OSBPL11: variants seen among roughly 807,000 people sequenced by gnomAD.
OSBPL11 encodes oxysterol binding protein like 11, also known as oxysterol-binding protein-related protein 11.
In OSBPL11, 33 loss-of-function variants were observed where a neutral mutation model predicts 84.4. The ratio of observed to expected loss-of-function variants is 0.39; its 90% CI spans 0.30 to 0.52. The LOEUF (loss-of-function observed/expected upper bound fraction) is 0.52. Among genes scored for constraint, OSBPL11 ranks in the 20% least tolerant of loss-of-function variants. OSBPL11 has a pLI of 0.72. For synonymous variants in OSBPL11, 276 were observed against 310.2 expected, an observed-to-expected ratio of 0.89 and a Z score of 1.16; for missense variants, 736 against 901.1, an observed-to-expected ratio of 0.82 and a Z score of 2.35.
chr3:125,536,980 G>A (rs1179554141), intron 11 of OSBPL11, among the ~76,000 whole-genome samples: 1 of 151,888 alleles, frequency 6.6e-6, no homozygotes, highest in African/African-American at 2.4e-5. Context: ...CCAACATGGT[G>A]AAACCCCGTC....
At chr3:125,531,299 T>C (rs1264156583) in intron 12 of OSBPL11, among the ~76,000 whole-genome samples, 2 of 128,956 alleles carry the variant, frequency 1.6e-5, no homozygotes, top group South Asian at 2.3e-4. Flanking sequence ...TTTTCTTTTT[T>C]TTTTTTTTGG....
intron 9 of OSBPL11, among the ~76,000 whole-genome samples, chr3:125,549,474 A>G (rs1326945861): frequency 6.6e-6 from 1 of 151,918 alleles, no homozygotes; most frequent in Non-Finnish European, 1.5e-5. Flanking sequence ...GCTTTTCTCC[A>G]TTTCTTTTTA....
At chr3:125,552,829 C>T in intron 8 of OSBPL11, 150 bp from the exon 9 acceptor site, 1 of 1,024,886 alleles carries the variant, frequency 9.8e-7, no homozygotes, top group Non-Finnish European at 1.4e-6. Context: ...AAAAAATAAG[C>T]ATTCTTGGCC....
At chr3:125,543,950 G>A (rs890460783) in intron 10 of OSBPL11, among the ~76,000 whole-genome samples, 26 of 152,012 alleles carry the variant, frequency 1.7e-4, no homozygotes, top group Admixed American at 1.5e-3. Flanking sequence ...TCTCTCATTT[G>A]ACAATAACTG....
chr3:125,535,439 C>CTTTTTTTTTTTTTTTTT (rs763678488), intron 11 of OSBPL11, among the ~76,000 whole-genome samples: 1 of 84,282 alleles, frequency 1.2e-5, no homozygotes, highest in African/African-American at 4.6e-5. Flanking sequence ...TCAGAAGCAT[C>CTTTTTTTTTTTTTTTTT]TTTTTTTTTT....
intron 8 of OSBPL11, among the ~76,000 whole-genome samples, chr3:125,559,411 T>A (rs1270950825): frequency 6.6e-6 from 1 of 152,146 alleles, no homozygotes; most frequent in Non-Finnish European, 1.5e-5. Flanking sequence ...TTTTTAGTGA[T>A]GGAGTCTCGT....
chr3:125,552,370 C>A lies in OSBPL11; in HGVS notation c.1465G>T (p.Gly489Trp). 6 of 1,614,022 alleles carry A rather than the reference C, an allele frequency of 3.7e-6. No homozygotes were observed. Among genetic ancestry groups the A allele is most frequent in the Non-Finnish European group, 4.2e-6 (5 of 1,179,988 alleles). Residue 489 changes from glycine to tryptophan, a missense_variant, in exon 9 of 13, where the codon GGG becomes TGG. By Grantham distance (184) the Gly-to-Trp change is radical (BLOSUM62 -2). This residue lies in a region of OSBPL11 where 579 missense variants were observed against 717.6 expected (regional missense o/e 0.81). Coordinates refer to ENST00000296220, the MANE Select transcript of OSBPL11 (RefSeq NM_022776.5). ...GATCCCACCTGGGTCAAAGACTCCCCCGATAAAGGAGCATGATTTGTGACT... is the reference window on the plus strand; with the variant it reads ...GATCCCACCTGGGTCAAAGACTCCCACGATAAAGGAGCATGATTTGTGACT... Reference protein sequence around the residue: ...QGVTNHAPLSGESLTQVGSDC... With the variant: ...QGVTNHAPLSWESLTQVGSDC...
chr3:125,529,504 T>C lies in OSBPL11; in HGVS notation c.*1011A>G, dbSNP rs952380257. ...TTACATGCGCGTTCAGTTACACATA[T>C]AAGTTTTGAATTACTGACAAATATG... On this transcript the variant is annotated 3_prime_UTR_variant, in exon 13 of 13. Coordinates refer to ENST00000296220, the MANE Select transcript of OSBPL11 (RefSeq NM_022776.5). 1 of 151,760 alleles carries C rather than the reference T, an allele frequency of 6.6e-6. No individual in the cohort carries two copies. Among genetic ancestry groups the C allele is most frequent in the African/African-American group, 2.4e-5 (1 of 41,248 alleles). The allele number at this position is 151,760 out of a possible 1,614,324, so 9.4% of individuals were successfully genotyped here.
intron 11 of OSBPL11, among the ~76,000 whole-genome samples, chr3:125,537,982 G>A (rs1559834505): frequency 6.6e-6 from 1 of 152,176 alleles, no homozygotes; most frequent in African/African-American, 2.4e-5. Flanking sequence ...CCCCAAAGAA[G>A]TATTATTTTA....
At chr3:125,590,858 C>T (rs1936585625) in intron 1 of OSBPL11, among the ~76,000 whole-genome samples, 1 of 152,108 alleles carries the variant, frequency 6.6e-6, no homozygotes, top group African/African-American at 2.4e-5. Flanking sequence ...ACTTTTAATA[C>T]CTCTATGTAA....
At chr3:125,587,025 T>C (rs1317615955) in intron 1 of OSBPL11, among the ~76,000 whole-genome samples, 1 of 152,142 alleles carries the variant, frequency 6.6e-6, no homozygotes, top group Admixed American at 6.6e-5. Context: ...TATAATCTAA[T>C]CTAAGAGAAA....
chr3:125,543,263 C>T (rs994246953), intron 10 of OSBPL11, among the ~76,000 whole-genome samples: 1 of 151,206 alleles, frequency 6.6e-6, no homozygotes, highest in African/African-American at 2.4e-5. Flanking sequence ...TCCGAAGTAC[C>T]TGGGATTACA....
chr3:125,546,513 G>T (rs1935818850), intron 10 of OSBPL11, among the ~76,000 whole-genome samples: 1 of 152,066 alleles, frequency 6.6e-6, no homozygotes. Context: ...TGTATTTTTA[G>T]TAGAGACGGA....
intron 3 of OSBPL11, 47 bp from the exon 4 acceptor site, chr3:125,579,086 C>T: frequency 7.5e-7 from 1 of 1,336,978 alleles, no homozygotes; most frequent in Non-Finnish European, 1.0e-6. Context: ...TATTCTGGAA[C>T]ACAATTAATT....
At chr3:125,560,314 T>C (rs1936056850) in intron 8 of OSBPL11, 65 bp downstream of exon 8, 3 of 1,287,902 alleles carry the variant, frequency 2.3e-6, no homozygotes, top group East Asian at 2.8e-5. Flanking sequence ...AGTCCTGACA[T>C]AAACATGAAC....
chr3:125,559,162 C>T (rs909880435), intron 8 of OSBPL11, among the ~76,000 whole-genome samples: 5 of 152,090 alleles, frequency 3.3e-5, no homozygotes, highest in African/African-American at 1.2e-4. Context: ...ACTATCTGGC[C>T]CTTTACAGAA....
chr3:125,575,714 T>G (rs1936312061), intron 5 of OSBPL11, among the ~76,000 whole-genome samples: 1 of 151,478 alleles, frequency 6.6e-6, no homozygotes, highest in Admixed American at 6.6e-5. Flanking sequence ...AAAAAAAATT[T>G]TTTTTAGAGA....
chr3:125,547,587 G>A lies in OSBPL11; in HGVS notation c.1660C>T (p.Leu554Phe). Residue 554 changes from leucine (L) to phenylalanine (F), a missense_variant, in exon 10 of 13, where the codon CTT becomes TTT. Leu to Phe is a conservative substitution (Grantham distance 22). Coordinates refer to ENST00000296220, the MANE Select transcript of OSBPL11 (RefSeq NM_022776.5). ...IGVTMVGEGI[L>F]SLLEHGEEYT... ...TCTTCTCCATGCTCCAACAGACTAA[G>A]GATACCTGAATGTGAAAACATGAGG... 1 of 1,591,368 alleles carries A rather than the reference G, an allele frequency of 6.3e-7. No homozygotes were observed. Among genetic ancestry groups the A allele is most frequent in the Non-Finnish European group, 8.6e-7 (1 of 1,169,046 alleles).
At chr3:125,592,429 G>T (rs532837622) in intron 1 of OSBPL11, among the ~76,000 whole-genome samples, 1 of 152,086 alleles carries the variant, frequency 6.6e-6, no homozygotes, top group African/African-American at 2.4e-5. Flanking sequence ...AGTTTTCTGT[G>T]TGTCAAAAAA....
Sources: allele counts gnomAD v4.1 joint callset (sites outside exome capture counted in the v4.1 genomes callset), GRCh38; gene constraint gnomAD v4.1.1; regional missense constraint gnomAD v4.1.1; transcripts MANE v1.5; gene names NCBI Gene and HGNC (gene_info 2026-07-23, HGNC 2026-07-21).